Variants in ADRA1B observed in about 807,000 individuals in gnomAD.
ADRA1B encodes alpha-1B adrenergic receptor.
In ADRA1B, 17 loss-of-function variants were observed where a neutral mutation model predicts 17.9. That is an observed-to-expected ratio of 0.95 (90% CI 0.65 to 1.42). The LOEUF (loss-of-function observed/expected upper bound fraction) is 1.42. ADRA1B is among the 40% of genes most tolerant of loss of function. The pLI is 0.00. For missense variants in ADRA1B, 681 were observed against 722.1 expected (o/e 0.94, Z 0.65); for synonymous variants, 366 against 327.6 (o/e 1.12, Z -1.27).
At chr5:159,908,544 T>G (rs1268276935) in intron 1 of ADRA1B, among the ~76,000 whole-genome samples, 1 of 152,088 alleles carries the variant, frequency 6.6e-6, no homozygotes. Flanking sequence ...CAGCTTCCCT[T>G]CCCCTTCCAC....
intron 1 of ADRA1B, among the ~76,000 whole-genome samples, chr5:159,897,343 G>A (rs539094222): frequency 1.4e-4 from 22 of 152,054 alleles, no homozygotes; most frequent in East Asian, 3.9e-4. Flanking sequence ...AAAATTAGCC[G>A]GGCGTGGTGG....
intron 1 of ADRA1B, among the ~76,000 whole-genome samples, chr5:159,876,277 A>G (rs1753801800): frequency 6.6e-6 from 1 of 152,226 alleles, no homozygotes; most frequent in South Asian, 2.1e-4. Flanking sequence ...TGGCTCAACA[A>G]TGTCAAGGCT....
At chr5:159,939,335 G>GCACACA (rs1162106651) in intron 1 of ADRA1B, among the ~76,000 whole-genome samples, 1 of 116,500 alleles carries the variant, frequency 8.6e-6, no homozygotes, top group Non-Finnish European at 2.1e-5. Flanking sequence ...GCGCGCGCGC[G>GCACACA]CACACAATGC....
At chr5:159,952,196 G>A (rs1173951041) in intron 1 of ADRA1B, among the ~76,000 whole-genome samples, 2 of 152,132 alleles carry the variant, frequency 1.3e-5, no homozygotes, top group South Asian at 4.2e-4. Flanking sequence ...AACCCCAGTG[G>A]ATGCCTAAAA....
intron 1 of ADRA1B, among the ~76,000 whole-genome samples, chr5:159,904,009 A>G (rs1409934349): frequency 6.6e-6 from 1 of 152,190 alleles, no homozygotes; most frequent in African/African-American, 2.4e-5. Context: ...TAAATACTAG[A>G]AAGCATTTGC....
intron 1 of ADRA1B, among the ~76,000 whole-genome samples, chr5:159,952,026 C>T (rs1313088611): frequency 6.6e-6 from 1 of 152,156 alleles, no homozygotes; most frequent in African/African-American, 2.4e-5. Context: ...TACAGTTTCT[C>T]CTGGATTTGG....
chr5:159,939,274 AGAGAGTGTGTGTGTGTGTGTGTGTGTGT>A (rs1219545517), intron 1 of ADRA1B, among the ~76,000 whole-genome samples: 1 of 78,446 alleles, frequency 1.3e-5, no homozygotes, highest in Non-Finnish European at 2.4e-5. Context: ...AGAGAGAGAG[AGAGAGTGTGTGTGTGTGTGTGTGTGTGT>A]GTGTGTGTGT....
chr5:159,943,182 C>T (rs930556878), intron 1 of ADRA1B, among the ~76,000 whole-genome samples: 2 of 150,816 alleles, frequency 1.3e-5, no homozygotes, highest in Non-Finnish European at 1.5e-5. Flanking sequence ...ACTGTACTCC[C>T]GCCTGGGTGA....
chr5:159,917,086 G>A lies in ADRA1B; in HGVS notation c.181G>A (p.Val61Met), dbSNP rs574609164. The change falls in exon 1 of 2, where the codon GTG becomes ATG. Residue 61 changes from valine to methionine, a missense_variant. Val to Met is a conservative substitution (Grantham distance 21). Transcript: ENST00000306675. ...GGGCGCCTTCATCCTCTTTGCCATC[G>A]TGGGCAACATCCTAGTCATCTTGTC... Reference protein sequence around the residue: ...VLGAFILFAIVGNILVILSVA... With the variant: ...VLGAFILFAIMGNILVILSVA... The A allele has an allele frequency of 1.2e-6, 2 of 1,614,084 alleles. No homozygotes were observed. The highest frequency in any genetic ancestry group is 1.7e-6 in the Non-Finnish European group (2 of 1,180,012).
intron 1 of ADRA1B, among the ~76,000 whole-genome samples, chr5:159,957,223 G>T (rs1755571639): frequency 6.6e-6 from 1 of 151,968 alleles, no homozygotes. Flanking sequence ...GAAATTTCAG[G>T]CCAGGCATGG....
chr5:159,893,766 G>T (rs1160879183), intron 1 of ADRA1B, among the ~76,000 whole-genome samples: 1 of 152,188 alleles, frequency 6.6e-6, no homozygotes, highest in African/African-American at 2.4e-5. Flanking sequence ...GTCATCAAAA[G>T]GCTTTTGAAA....
chr5:159,895,453 T>C (rs1374704307), intron 1 of ADRA1B, among the ~76,000 whole-genome samples: 1 of 152,166 alleles, frequency 6.6e-6, no homozygotes, highest in African/African-American at 2.4e-5. Flanking sequence ...AAACAGGAAA[T>C]TAAGACAAGG....
intron 1 of ADRA1B, among the ~76,000 whole-genome samples, chr5:159,865,462 A>G (rs1376297224): frequency 1.3e-5 from 2 of 152,218 alleles, no homozygotes; most frequent in Non-Finnish European, 2.9e-5. Flanking sequence ...CGTAACTCGC[A>G]TGGTTTGTAG....
upstream of ADRA1B, among the ~76,000 whole-genome samples, chr5:159,915,290 C>T (rs1478243581): frequency 1.3e-5 from 2 of 152,160 alleles, no homozygotes; most frequent in Non-Finnish European, 2.9e-5. Context: ...AGCTAAACTT[C>T]CCCATAATTT....
At chr5:159,939,016 T>C (rs1755031105) in intron 1 of ADRA1B, among the ~76,000 whole-genome samples, 1 of 152,102 alleles carries the variant, frequency 6.6e-6, no homozygotes, top group South Asian at 2.1e-4. Context: ...ATTTTAAAGA[T>C]GGAAAGGGCA....
In ADRA1B at chr5:159,927,095, C is replaced by G. The variant is rs372716896; in HGVS notation, c.949+9241C>G. ...GGCTAGGTCAAGACCCGTGTGGACA[C>G]AAGGTAGGATCTTGAAAATGGATGG... On this transcript the variant is annotated intron_variant, in intron 1 of 1. Coordinates refer to ENST00000306675, the MANE Select transcript of ADRA1B (RefSeq NM_000679.4). 7.9e-5 allele frequency among the ~76,000 whole-genome samples: 12 copies of G among 152,048 alleles called. No homozygotes were observed. In the East Asian group the frequency reaches 2.3e-3, roughly 29 times the overall value.
intron 1 of ADRA1B, chr5:159,948,126 A>G (rs936576306): frequency 7.1e-6 from 7 of 985,286 alleles, no homozygotes; most frequent in Non-Finnish European, 8.4e-6. Flanking sequence ...TCCTCAATCC[A>G]TACCAGTTCC....
intron 1 of ADRA1B, among the ~76,000 whole-genome samples, chr5:159,883,155 T>C (rs1443000981): frequency 6.6e-6 from 1 of 152,168 alleles, no homozygotes; most frequent in Admixed American, 6.5e-5. Flanking sequence ...TGGCCCTTGC[T>C]CCTTCTCTTT....
upstream of ADRA1B, among the ~76,000 whole-genome samples, chr5:159,911,641 A>T (rs922004386): frequency 6.6e-5 from 10 of 152,148 alleles, no homozygotes; most frequent in African/African-American, 2.2e-4. Context: ...ACAAGTTGTA[A>T]TTACCAGAGA....
Sources: gnomAD v4.1 joint callset for allele counts (sites outside exome capture counted in the v4.1 genomes callset) on GRCh38, gnomAD v4.1.1 for gene constraint, MANE v1.5 for transcripts, NCBI Gene and HGNC (gene_info 2026-07-23, HGNC 2026-07-21) for gene names.